The following ADIPOR1 variants were observed in gnomAD, a reference collection of about 807,000 sequenced individuals.
ADIPOR1 encodes the protein adiponectin receptor 1.
In ADIPOR1, 15 loss-of-function variants were observed where a neutral mutation model predicts 37.5. The observed-to-expected ratio is 0.40, with a 90% CI of 0.27 to 0.62. The LOEUF (loss-of-function observed/expected upper bound fraction) is 0.62, where lower values mean the gene tolerates loss of function less well. Among genes scored for constraint, ADIPOR1 ranks in the 20% least tolerant of loss-of-function variants. ADIPOR1 has a pLI of 0.42. For missense variants in ADIPOR1, 286 were observed against 478.0 expected, an observed-to-expected ratio of 0.60 and a Z score of 3.75; for synonymous variants, 173 against 173.2, an observed-to-expected ratio of 1.00 and a Z score of 0.01.
chr1:202,946,445 G>A lies in ADIPOR1; in HGVS notation c.424C>T (p.Leu142=). 6.2e-7 allele frequency: 1 copy of A among 1,614,028 alleles called. No homozygotes were observed. The highest frequency in any genetic ancestry group is 8.5e-7 in the Non-Finnish European group (1 of 1,180,038). Residue 142 remains leucine (L), a synonymous_variant, in exon 4 of 8, where the codon CTG becomes TTG. Coordinates refer to ENST00000340990, the MANE Select transcript of ADIPOR1 (RefSeq NM_015999.6). ...CCCCATCCAAATCACTCACCAAGCA[G>A]ATGGGTCCAGATGTTGCCAGTTTCT... ...HTETGNIWTH[L]LGFVLFLFLG...
chr1:202,958,315 C>G (rs370533048), upstream of ADIPOR1: 1 of 152,300 alleles, frequency 6.6e-6, no homozygotes, highest in African/African-American at 2.4e-5. Context: ...CGCGACCTCC[C>G]GCGTCACCTC....
intron 6 of ADIPOR1, 60 bp from the exon 7 acceptor site, chr1:202,942,278 G>T (rs1654125094): frequency 6.8e-7 from 1 of 1,468,190 alleles, no homozygotes; most frequent in Non-Finnish European, 9.2e-7. Flanking sequence ...GGAAGGCACT[G>T]CTGTCTTACT....
At chr1:202,955,512 C>CA (rs1654748723) in intron 1 of ADIPOR1, among the ~76,000 whole-genome samples, 1 of 150,960 alleles carries the variant, frequency 6.6e-6, no homozygotes, top group Non-Finnish European at 1.5e-5. Flanking sequence ...TGAGCCCTGA[C>CA]AGACAGGCAA....
chr1:202,948,165 A>T, intron 3 of ADIPOR1, 139 bp downstream of exon 3: 1 of 627,208 alleles, frequency 1.6e-6, no homozygotes, highest in Non-Finnish European at 2.7e-6. Flanking sequence ...ACATTGATTT[A>T]CCTCATCTTA....
chr1:202,945,129 G>C lies in ADIPOR1; in HGVS notation c.471C>G (p.Leu157=), dbSNP rs751230747. Residue 157 remains leucine, a synonymous_variant, in exon 5 of 8, where the codon CTC becomes CTG. Transcript: ENST00000340990. ...GGGCCATGAAGTACATATTTGGTCTGAGCATGGTCAAGATTCCCAAAAAGA... is the reference window on the plus strand; with the variant it reads ...GGGCCATGAAGTACATATTTGGTCTCAGCATGGTCAAGATTCCCAAAAAGA... ...LFLFLGILTM[L]RPNMYFMAPL... is the part of the protein sequence containing the mutation. 8 of 1,612,730 alleles carry C rather than the reference G, an allele frequency of 5.0e-6. No individual in the cohort carries two copies. The Middle Eastern group carries it at 6.7e-4, about 134-fold the overall frequency.
intron 2 of ADIPOR1, among the ~76,000 whole-genome samples, chr1:202,950,186 C>T (rs1309101184): frequency 6.6e-6 from 1 of 151,848 alleles, no homozygotes; most frequent in Non-Finnish European, 1.5e-5. Flanking sequence ...TGGTCTCGAA[C>T]TCCTGATCTC....
At chr1:202,956,903 A>G (rs1654807336) in intron 1 of ADIPOR1, among the ~76,000 whole-genome samples, 1 of 152,136 alleles carries the variant, frequency 6.6e-6, no homozygotes, top group Non-Finnish European at 1.5e-5. Context: ...CTGCAGGCAA[A>G]GTCTTGACCA....
At chr1:202,947,522 A>AT (rs1553243096) in intron 3 of ADIPOR1, among the ~76,000 whole-genome samples, 2,309 of 150,770 alleles carry the variant, frequency 0.015, 58 homozygotes, top group African/African-American at 0.054. Flanking sequence ...GTCTCAAAAA[A>AT]ATATATATAT....
chr1:202,944,909 C>A lies in ADIPOR1; in HGVS notation c.617+74G>T, dbSNP rs548656872. On this transcript the variant is annotated intron_variant, in intron 5 of 7. Transcript: ENST00000340990. The stretch of plus-strand genomic sequence containing the variant: ...CTTTAGGAGTGATATGAGCTCCTAT[C>A]ACCCAGTAAGCACTGGGATCTCAAG... 5 of 1,395,494 alleles carry A rather than the reference C, an allele frequency of 3.6e-6. No homozygotes were observed. The Admixed American group carries it at 1.1e-4, about 30-fold the overall frequency. 86.4% of individuals were successfully genotyped at this position (1,395,494 alleles called of 1,614,324 possible).
intron 2 of ADIPOR1, among the ~76,000 whole-genome samples, chr1:202,950,172 A>C (rs903455792): frequency 1.3e-5 from 2 of 152,036 alleles, no homozygotes; most frequent in Admixed American, 1.3e-4. Context: ...TATGTTGGCC[A>C]GGCTGGTCTC....
Position 202,945,014 on chromosome 1 carries a change from G to T in ADIPOR1, c.586C>A (p.His196Asn). Residue 196 changes from histidine to asparagine, a missense_variant, in exon 5 of 8, where the codon CAT (histidine) becomes AAT (asparagine). His to Asn is a moderately conservative substitution (Grantham distance 68). Coordinates refer to ENST00000340990, the MANE Select transcript of ADIPOR1 (RefSeq NM_015999.6). ...AAAGTCCGAGAGACTTTCTCTGAAT[G>T]ACAATAGACGGTGTGAAAGAGCCAG... ...FSWLFHTVYC[H>N]SEKVSRTFSK... 1 of 1,611,196 alleles carries T rather than the reference G, an allele frequency of 6.2e-7. No homozygotes were observed. Among genetic ancestry groups the T allele is most frequent in the South Asian group, 1.1e-5 (1 of 90,886 alleles).
rs763154047 is a variant in ADIPOR1, at chr1:202,942,217, G to A, written c.807C>T (p.Gly269=). 1.7e-5 allele frequency: 28 copies of A among 1,613,168 alleles called. No homozygotes were observed. Among genetic ancestry groups the A allele is most frequent in the African/African-American group, 8.0e-5 (6 of 74,888 alleles). The stretch of plus-strand genomic sequence containing the variant: ...CACTCAAGCCAAGTCCCAGGAACAC[G>A]CCTGAACAGAACAGACATAAGACTG... ...ATPKHRQTRA[G]VFLGLGLSGV... The change falls in exon 7 of 8, where the codon GGC becomes GGT. Residue 269 remains glycine (G), a splice_region_variant and synonymous_variant. Transcript: ENST00000340990.
chr1:202,944,875 T>A (rs1438202987), intron 5 of ADIPOR1, 108 bp downstream of exon 5: 4 of 1,113,304 alleles, frequency 3.6e-6, no homozygotes, highest in African/African-American at 1.6e-5. Context: ...CTCTGGCATA[T>A]CAAGAAACCT....
At chr1:202,943,280 GA>G (rs1558010040) in intron 6 of ADIPOR1, among the ~76,000 whole-genome samples, 3 of 152,218 alleles carry the variant, frequency 2.0e-5, no homozygotes, top group Non-Finnish European at 1.5e-5. Context: ...CTTAAAATAA[GA>G]GTCCAGATGA....
chr1:202,945,238 T>C, intron 4 of ADIPOR1, 69 bp from the exon 5 acceptor site: 1 of 1,377,752 alleles, frequency 7.3e-7, no homozygotes, highest in East Asian at 2.5e-5. Context: ...TGGTTGATGT[T>C]TTTGAATCAG....
chr1:202,952,822 T>C (rs992789609), intron 1 of ADIPOR1, among the ~76,000 whole-genome samples: 8 of 152,230 alleles, frequency 5.3e-5, no homozygotes, highest in Non-Finnish European at 1.0e-4. Context: ...CTATTGGTGC[T>C]TTCTGGAGAA....
At position 202,943,906 on chromosome 1, in the gene ADIPOR1, G is replaced by A. The variant is rs1439996949; in HGVS notation, c.657C>T (p.Ser219=). The change falls in exon 6 of 8, where the codon AGC becomes AGT. Residue 219 remains serine, a synonymous_variant. Transcript: ENST00000340990. ...YSGIALLIMG[S]FVPWLYYSFY... ...AGGAATAATAGAGCCAGGGGACAAA[G>A]CTCCCCATAATTAGAAGAGCAATCC... is the stretch of plus-strand genomic sequence containing the variant. 2 of 1,613,980 alleles carry A rather than the reference G, an allele frequency of 1.2e-6. No individual in the cohort carries two copies. The highest frequency in any genetic ancestry group is 3.3e-5 in the Admixed American group (2 of 59,964).
At chr1:202,955,907 C>T (rs1654765283) in intron 1 of ADIPOR1, among the ~76,000 whole-genome samples, 1 of 152,226 alleles carries the variant, frequency 6.6e-6, no homozygotes, top group African/African-American at 2.4e-5. Flanking sequence ...TCCCAAGTAG[C>T]TGGGATTACA....
intron 5 of ADIPOR1, 124 bp downstream of exon 5, chr1:202,944,859 C>A (rs528998611): frequency 3.2e-6 from 3 of 925,584 alleles, no homozygotes; most frequent in African/African-American, 3.3e-5. Flanking sequence ...GAACAGAGAG[C>A]CTTTCCTCTG....
Sources: gnomAD v4.1 joint callset for allele counts (sites outside exome capture counted in the v4.1 genomes callset) on GRCh38, gnomAD v4.1.1 for gene constraint, MANE v1.5 for transcripts, NCBI Gene and HGNC (gene_info 2026-07-23, HGNC 2026-07-21) for gene names.